Variants in DYRK1A observed in about 807,000 individuals in gnomAD.
DYRK1A encodes dual specificity tyrosine-phosphorylation-regulated kinase 1A.
Under a neutral mutation model 79.7 loss-of-function variants are expected in DYRK1A, and 9 were observed. The ratio of observed to expected loss-of-function variants is 0.11; its 90% CI spans 0.07 to 0.20. DYRK1A has a LOEUF of 0.20. Ranked by LOEUF, DYRK1A falls within the 10% of genes least tolerant of loss-of-function variation. DYRK1A has a pLI of 1.00. For missense variants in DYRK1A, 622 were observed against 956.0 expected (o/e 0.65, Z 4.61); for synonymous variants, 349 against 329.7 (o/e 1.06, Z -0.63).
chr21:37,371,179 A>G (rs1291363368), intron 1 of DYRK1A, among the ~76,000 whole-genome samples: 1 of 152,230 alleles, frequency 6.6e-6, no homozygotes, highest in Non-Finnish European at 1.5e-5. Flanking sequence ...CAGTGCTACA[A>G]TTTTAAGCTA....
intron 3 of DYRK1A, among the ~76,000 whole-genome samples, chr21:37,474,305 T>C (rs964184467): frequency 1.3e-5 from 2 of 152,372 alleles, no homozygotes; most frequent in Non-Finnish European, 2.9e-5. Flanking sequence ...TAACGTCTTA[T>C]GTGTATTTGG....
At position 37,520,687 on chromosome 21, in the gene DYRK1A, A is replaced by G. The variant is rs1028574646; in HGVS notation, c.*8156A>G. 6.6e-6 allele frequency: 1 copy of G among 152,232 alleles called. No individual in the cohort carries two copies. Among genetic ancestry groups the G allele is most frequent in the Non-Finnish European group, 1.5e-5 (1 of 68,046 alleles). The allele number at this position is 152,232 out of a possible 1,614,324, so 9.4% of individuals were successfully genotyped here. On this transcript the variant is annotated 3_prime_UTR_variant, in exon 12 of 12. Coordinates refer to ENST00000647188, the MANE Select transcript of DYRK1A (RefSeq NM_001347721.2). ...TAACTGTTCACTTCAGGTAGATAAG[A>G]TATTTCTGGGAGAAGTAAATTGGAT... is the stretch of plus-strand genomic sequence containing the variant.
chr21:37,440,382 C>G (rs1462104623), intron 2 of DYRK1A, among the ~76,000 whole-genome samples: 1 of 151,976 alleles, frequency 6.6e-6, no homozygotes, highest in African/African-American at 2.4e-5. Context: ...AGTGATCCGC[C>G]TGCCTCAGCC....
intron 2 of DYRK1A, among the ~76,000 whole-genome samples, chr21:37,452,860 T>A (rs894208036): frequency 6.6e-6 from 1 of 151,550 alleles, no homozygotes; most frequent in East Asian, 2.0e-4. Flanking sequence ...TTTATGCCTT[T>A]AATGTTAAGA....
In DYRK1A at chr21:37,490,031, G is replaced by A. The variant is rs2053026135; in HGVS notation, c.638-144G>A. 18 of 803,182 alleles carry A rather than the reference G, an allele frequency of 2.2e-5. No individual in the cohort carries two copies. The South Asian group carries it at 3.4e-4, about 15-fold the overall frequency. 49.8% of individuals were successfully genotyped at this position (803,182 alleles called of 1,614,324 possible). A position where few individuals can be genotyped will look rare whatever the true frequency, so the allele number is the denominator to read the frequency against. The stretch of plus-strand genomic sequence containing the variant: ...TATTCTTAACTGATTGAAAACTGCT[G>A]TTATTACAAAATGCTGATCTCCAAA... On this transcript the variant is annotated intron_variant, in intron 6 of 11. Transcript: ENST00000647188.
intron 2 of DYRK1A, among the ~76,000 whole-genome samples, chr21:37,450,998 G>A (rs188783189): frequency 7.2e-5 from 11 of 152,246 alleles, no homozygotes; most frequent in African/African-American, 2.6e-4. Context: ...GATGTCTTGC[G>A]ATCCTTACCC....
In DYRK1A at chr21:37,519,266, A is replaced by G. The variant is rs1323953839; in HGVS notation, c.*6735A>G. On this transcript the variant is annotated 3_prime_UTR_variant, in exon 12 of 12. Coordinates refer to ENST00000647188, the MANE Select transcript of DYRK1A (RefSeq NM_001347721.2). ...AGGGCACCAGCCACCAGCTCTGTATAGTAGTTACAGTTTCCCTCTCTAGAA... is the reference window on the plus strand; with the variant it reads ...AGGGCACCAGCCACCAGCTCTGTATGGTAGTTACAGTTTCCCTCTCTAGAA... The G allele has an allele frequency of 2.0e-5, 3 of 152,136 alleles. No individual in the cohort carries two copies. Among genetic ancestry groups the G allele is most frequent in the Non-Finnish European group, 2.9e-5 (2 of 68,050 alleles). The allele number at this position is 152,136 out of a possible 1,614,324, so 9.4% of individuals were successfully genotyped here.
At position 37,520,284 on chromosome 21, in the gene DYRK1A, G is replaced by A. The variant is rs1486232338; in HGVS notation, c.*7753G>A. ...TTTTAGCCTTCAGAGGTTTGATGTA[G>A]ATAGGAAGAGATGAGGGTGACAGAA... On this transcript the variant is annotated 3_prime_UTR_variant, in exon 12 of 12. Transcript: ENST00000647188. The A allele has an allele frequency of 6.6e-6, 1 of 151,442 alleles. No individual in the cohort carries two copies. The highest frequency in any genetic ancestry group is 6.6e-5 in the Admixed American group (1 of 15,262). The allele number at this position is 151,442 out of a possible 1,614,324, so 9.4% of individuals were successfully genotyped here. A position where few individuals can be genotyped will look rare whatever the true frequency, so the allele number is the denominator to read the frequency against.
At position 37,505,603 on chromosome 21, in the gene DYRK1A, C is replaced by A. The variant is rs764853483; in HGVS notation, c.1519+14C>A. ...CGTCAAGCTCAGGTCTGTGCTGCTG[C>A]GGTTAGATTAGGCTTGGGAATGTTT... On this transcript the variant is annotated intron_variant, in intron 10 of 11. Transcript: ENST00000647188. 7 of 1,572,342 alleles carry A rather than the reference C, an allele frequency of 4.5e-6. No individual in the cohort carries two copies. In the South Asian group the frequency reaches 8.0e-5, roughly 18 times the overall value.
At chr21:37,427,827 A>G (rs2050669817) in intron 2 of DYRK1A, among the ~76,000 whole-genome samples, 1 of 152,124 alleles carries the variant, frequency 6.6e-6, no homozygotes, top group African/African-American at 2.4e-5. Context: ...CAATATTTAC[A>G]TTTACATTTG....
intron 2 of DYRK1A, among the ~76,000 whole-genome samples, chr21:37,460,747 A>C (rs1375390717): frequency 2.0e-5 from 3 of 152,216 alleles, no homozygotes; most frequent in African/African-American, 7.2e-5. Flanking sequence ...TGGGCACTAC[A>C]AGAAAAACTA....
chr21:37,386,768 TCC>T (rs141878527), intron 1 of DYRK1A, among the ~76,000 whole-genome samples: 2 of 152,070 alleles, frequency 1.3e-5, no homozygotes, highest in African/African-American at 2.4e-5. Context: ...TTTTCTCATT[TCC>T]CCCTTTAGTC....
chr21:37,399,596 T>G (rs528956123), intron 1 of DYRK1A, among the ~76,000 whole-genome samples: 1 of 152,316 alleles, frequency 6.6e-6, no homozygotes, highest in South Asian at 2.1e-4. Flanking sequence ...CATTTACTGT[T>G]CTTAATAGAA....
At chr21:37,394,698 C>G (rs2049929922) in intron 1 of DYRK1A, among the ~76,000 whole-genome samples, 1 of 152,166 alleles carries the variant, frequency 6.6e-6, no homozygotes, top group Admixed American at 6.5e-5. Context: ...AACTGATGAT[C>G]TGAAGTAGAA....
chr21:37,441,508 A>C (rs977236574), intron 2 of DYRK1A, among the ~76,000 whole-genome samples: 1 of 152,056 alleles, frequency 6.6e-6, no homozygotes, highest in African/African-American at 2.4e-5. Flanking sequence ...GATTGATTGA[A>C]ATTTTTAAAT....
chr21:37,409,887 A>G (rs940424748), intron 1 of DYRK1A, among the ~76,000 whole-genome samples: 3 of 152,204 alleles, frequency 2.0e-5, no homozygotes, highest in African/African-American at 7.2e-5. Flanking sequence ...TGATCACACA[A>G]CATCATATCT....
chr21:37,465,565 G>T (rs116208840), intron 2 of DYRK1A, among the ~76,000 whole-genome samples: 1 of 152,302 alleles, frequency 6.6e-6, no homozygotes, highest in South Asian at 2.1e-4. Context: ...GGCCAGGCAT[G>T]GTGGCTCATG....
intron 1 of DYRK1A, among the ~76,000 whole-genome samples, chr21:37,384,837 T>C (rs1448681256): frequency 1.3e-5 from 2 of 152,132 alleles, no homozygotes; most frequent in African/African-American, 2.4e-5. Context: ...AATTATAATA[T>C]GTGATATGAA....
intron 2 of DYRK1A, among the ~76,000 whole-genome samples, chr21:37,437,046 G>A (rs866879752): frequency 2.0e-5 from 3 of 152,168 alleles, no homozygotes; most frequent in Non-Finnish European, 4.4e-5. Flanking sequence ...ATGTTTGAAG[G>A]CTACAGGGTG....
Sources: allele counts gnomAD v4.1 joint callset (sites outside exome capture counted in the v4.1 genomes callset), GRCh38; gene constraint gnomAD v4.1.1; transcripts MANE v1.5; gene names NCBI Gene and HGNC (gene_info 2026-07-23, HGNC 2026-07-21).